Variants in GPRIN1 observed in about 807,000 individuals in gnomAD.
The protein encoded by GPRIN1 is G protein regulated inducer of neurite outgrowth 1.
Under a neutral mutation model 2.8 loss-of-function variants are expected in GPRIN1, and 4 were observed. That is an observed-to-expected ratio of 1.45 (90% CI 0.71 to 3.32). GPRIN1 has a LOEUF of 3.32. Among genes scored for constraint, GPRIN1 ranks in the 30% most tolerant of loss-of-function variants. The probability of loss-of-function intolerance (pLI) is 0.01; values close to 1 mark genes in which losing one functional copy is unlikely to be tolerated. For missense variants in GPRIN1, 1,322 were observed against 1,343.4 expected (o/e 0.98, Z 0.25); for synonymous variants, 589 against 589.9 (o/e 1.00, Z 0.02).
intron 1 of GPRIN1, among the ~76,000 whole-genome samples, chr5:176,606,070 C>T (rs1759216254): frequency 6.6e-6 from 1 of 152,174 alleles, no homozygotes; most frequent in Non-Finnish European, 1.5e-5. Flanking sequence ...AGCTCCTCTC[C>T]CTGGGTGCAG....
At chr5:176,605,219 G>A (rs187574444) in intron 1 of GPRIN1, among the ~76,000 whole-genome samples, 1 of 151,164 alleles carries the variant, frequency 6.6e-6, no homozygotes, top group African/African-American at 2.4e-5. Flanking sequence ...TCAGCCACCC[G>A]AGTAGCTGGG....
rs1289418182 is a variant in GPRIN1, at chr5:176,596,841, C to G, written c.2994G>C (p.Arg998=). 5.0e-6 allele frequency: 7 copies of G among 1,408,640 alleles called. No individual in the cohort carries two copies. Among genetic ancestry groups the G allele is most frequent in the Non-Finnish European group, 6.5e-6 (7 of 1,078,074 alleles). The allele number at this position is 1,408,640 out of a possible 1,614,324, so 87.3% of individuals were successfully genotyped here. ...RALLQSVRRP[R]CCSRAGPTAE ...CCGTGGGTCCCGCCCGCGAGCAGCA[C>G]CGCGGCCGGCGCACACTCTGCAGCA... Residue 998 remains arginine (R), a synonymous_variant, in exon 2 of 2, where the codon CGG becomes CGC. Coordinates refer to ENST00000303991, the MANE Select transcript of GPRIN1 (RefSeq NM_052899.3). The surrounding 1 kb of genome is among the most constrained non-coding windows in gnomAD (Gnocchi z 5.2).
Position 176,599,401 on chromosome 5 carries a change from C to T in GPRIN1, c.434G>A (p.Arg145Lys). 6.2e-7 allele frequency: 1 copy of T among 1,614,252 alleles called. No individual in the cohort carries two copies. Residue 145 changes from arginine (R) to lysine (K), a missense_variant, in exon 2 of 2, where the codon AGA becomes AAA. Around this residue, in one of 3 missense-constraint regions of GPRIN1, gnomAD observed 1,117 missense variants for 1,128.6 expected, o/e 0.99. Transcript: ENST00000303991. Reference sequence around the variant, plus strand: ...CATCTTCTCTAAGAACATGGGATTTCTGTCATCTGAGGATTTGGGCTCAGT... The same window carrying T: ...CATCTTCTCTAAGAACATGGGATTTTTGTCATCTGAGGATTTGGGCTCAGT... ...VKTEPKSSDD[R>K]NPMFLEKMDF...
At position 176,597,545 on chromosome 5, in the gene GPRIN1, C is replaced by T. The variant is rs769955682; in HGVS notation, c.2290G>A (p.Gly764Ser). 1 of 1,544,566 alleles carries T rather than the reference C, an allele frequency of 6.5e-7. No homozygotes were observed. ...PVSSTEASSLGQKDLEAAGAE... is the reference protein window; with the variant it reads ...PVSSTEASSLSQKDLEAAGAE... ...CCAGCGGCTTCCAGGTCTTTCTGGC[C>T]GAGACTGGAGGCCTCGGTGCTGGAC... Residue 764 changes from glycine (G) to serine (S), a missense_variant, in exon 2 of 2, where the codon GGC (glycine) becomes AGC (serine). Coordinates refer to ENST00000303991, the MANE Select transcript of GPRIN1 (RefSeq NM_052899.3). The surrounding 1 kb of genome is among the most constrained non-coding windows in gnomAD (Gnocchi z 6.1).
rs762347659 is a variant in GPRIN1 at position 176,597,099 on chromosome 5, G to A, written c.2736C>T (p.Asp912=). ...TCATGCCCTTCTCGTCCCAGCTCAC[G>A]TCTCGCACGGGCTCAGCCGGCTCCG... is the stretch of plus-strand genomic sequence containing the variant. The part of the protein sequence containing the change: ...APPEPAEPVR[D]VSWDEKGMTW... Residue 912 remains aspartate, a synonymous_variant, in exon 2 of 2, where the codon GAC becomes GAT. Transcript: ENST00000303991. This position sits in a 1 kb window ranked among gnomAD's most constrained non-coding sequence, Gnocchi z 6.1. 2 of 1,488,784 alleles carry A rather than the reference G, an allele frequency of 1.3e-6. No individual in the cohort carries two copies. Among genetic ancestry groups the A allele is most frequent in the Non-Finnish European group, 9.0e-7 (1 of 1,115,980 alleles). The allele number at this position is 1,488,784 out of a possible 1,614,324, so 92.2% of individuals were successfully genotyped here. A position where few individuals can be genotyped will look rare whatever the true frequency, so the allele number is the denominator to read the frequency against.
At chr5:176,607,004 A>G (rs141857352) in intron 1 of GPRIN1, among the ~76,000 whole-genome samples, 1 of 152,224 alleles carries the variant, frequency 6.6e-6, no homozygotes, top group Non-Finnish European at 1.5e-5. Context: ...TCAGGGAGGT[A>G]GAAAGATGTG....
At position 176,597,905 on chromosome 5, in the gene GPRIN1, C is replaced by T; in HGVS notation, c.1930G>A (p.Gly644Arg). The change falls in exon 2 of 2, where the codon GGG (glycine) becomes AGG (arginine). Residue 644 changes from glycine (G) to arginine (R), a missense_variant. Transcript: ENST00000303991. This position sits in a 1 kb window ranked among gnomAD's most constrained non-coding sequence, Gnocchi z 6.1. ...SGGKAETKLP[G>R]QEGAAAPGEA... ...CCTGGTGCTGCAGCGCCCTCTTGCC[C>T]AGGGAGCTTTGTTTCTGCTTTGCCA... The T allele has an allele frequency of 6.2e-7, 1 of 1,613,898 alleles. No individual in the cohort carries two copies. Among genetic ancestry groups the T allele is most frequent in the Non-Finnish European group, 8.5e-7 (1 of 1,180,002 alleles).
chr5:176,606,264 G>T (rs1214692514), intron 1 of GPRIN1, among the ~76,000 whole-genome samples: 2 of 152,182 alleles, frequency 1.3e-5, no homozygotes, highest in Non-Finnish European at 2.9e-5. Context: ...TCTGTGGAAG[G>T]CCTGTTTTTA....
Position 176,595,888 on chromosome 5 carries a change from G to T in GPRIN1, c.*920C>A, listed in dbSNP as rs1759022322. The T allele has an allele frequency of 1.4e-5, 6 of 441,622 alleles. No homozygotes were observed. In the East Asian group the frequency reaches 2.2e-4, roughly 16 times the overall value. The allele number at this position is 441,622 out of a possible 1,614,324, so 27.4% of individuals were successfully genotyped here. On this transcript the variant is annotated 3_prime_UTR_variant, in exon 2 of 2. Coordinates refer to ENST00000303991, the MANE Select transcript of GPRIN1 (RefSeq NM_052899.3). ...GAGGGGTGGGGACGGGACACTGAGT[G>T]GTCACAAGGGACTTGGGCTCACAGC...
At position 176,598,817 on chromosome 5, in the gene GPRIN1, C is replaced by T. The variant is rs1467815393; in HGVS notation, c.1018G>A (p.Gly340Arg). Residue 340 changes from glycine (G) to arginine (R), a missense_variant, in exon 2 of 2, where the codon GGG (glycine) becomes AGG (arginine). Around this residue, in one of 3 missense-constraint regions of GPRIN1, gnomAD observed 1,117 missense variants for 1,128.6 expected, o/e 0.99. Transcript: ENST00000303991. ...GTGGGATCCAGCCTTCCCAAGGACC[C>T]AGGAGCCCCGGTCCCAGAGGATACA... ...GPVSSGTGAP[G>R]SLGRLDPTCL... is the part of the protein sequence containing the mutation. The T allele has an allele frequency of 1.9e-6, 3 of 1,613,870 alleles. No homozygotes were observed. The highest frequency in any genetic ancestry group is 1.7e-6 in the Non-Finnish European group (2 of 1,180,026).
chr5:176,597,630 G>C lies in GPRIN1; in HGVS notation c.2205C>G (p.Ala735=). 1 of 1,601,138 alleles carries C rather than the reference G, an allele frequency of 6.2e-7. No homozygotes were observed. The change falls in exon 2 of 2, where the codon GCC becomes GCG. Residue 735 remains alanine (A), a synonymous_variant. Coordinates refer to ENST00000303991, the MANE Select transcript of GPRIN1 (RefSeq NM_052899.3). The surrounding 1 kb of genome is among the most constrained non-coding windows in gnomAD (Gnocchi z 6.1). The part of the protein sequence containing the change: ...RQLDRKALGS[A]RSPEGARGSE... ...TGCCCCTGGCACCCTCGGGAGACCG[G>C]GCTGAGCCGAGGGCTTTGCGGTCTA...
rs755370698 is a variant in GPRIN1 at position 176,598,897 on chromosome 5, G to A, written c.938C>T (p.Thr313Ile). 10 of 1,614,138 alleles carry A rather than the reference G, an allele frequency of 6.2e-6. No individual in the cohort carries two copies. Among genetic ancestry groups the A allele is most frequent in the Non-Finnish European group, 7.6e-6 (9 of 1,180,026 alleles). ...ESMDSASTGK[T>I]EPGLLGKLIP... ...CAGCTTGCCCAGGAGCCCCGGCTCTGTCTTTCCTGTGGACGCAGAATCCAT... is the reference window on the plus strand; with the variant it reads ...CAGCTTGCCCAGGAGCCCCGGCTCTATCTTTCCTGTGGACGCAGAATCCAT... The change falls in exon 2 of 2, where the codon ACA (threonine) becomes ATA (isoleucine). Residue 313 changes from threonine to isoleucine, a missense_variant. Physicochemically the swap from Thr to Ile is moderately conservative, Grantham distance 89. Transcript: ENST00000303991.
Position 176,599,888 on chromosome 5 carries a change from G to A in GPRIN1, c.-43-11C>T. 1.5e-6 allele frequency: 2 copies of A among 1,350,890 alleles called. No individual in the cohort carries two copies. The highest frequency in any genetic ancestry group is 3.2e-5 in the Admixed American group (1 of 31,412). 83.7% of individuals were successfully genotyped at this position (1,350,890 alleles called of 1,614,324 possible). A position where few individuals can be genotyped will look rare whatever the true frequency, so the allele number is the denominator to read the frequency against. On this transcript the variant is annotated splice_polypyrimidine_tract_variant and intron_variant, in intron 1 of 1. Transcript: ENST00000303991. ...GGCTGCTGTCTGGTTCTGAAACAGA[G>A]AGAGAGCTGACTCAGACTTCCCAAA...
chr5:176,603,981 T>G (rs1759186154), intron 1 of GPRIN1, among the ~76,000 whole-genome samples: 1 of 152,116 alleles, frequency 6.6e-6, no homozygotes. Flanking sequence ...GCAACGGCAC[T>G]CAATTCCTGC....
In GPRIN1 at chr5:176,598,610, C is replaced by A; in HGVS notation, c.1225G>T (p.Asp409Tyr). 6.2e-7 allele frequency: 1 copy of A among 1,614,160 alleles called. No individual in the cohort carries two copies. The highest frequency in any genetic ancestry group is 1.6e-4 in the Middle Eastern group (1 of 6,062). The change falls in exon 2 of 2, where the codon GAT (aspartate) becomes TAT (tyrosine). Residue 409 changes from aspartate (D) to tyrosine (Y), a missense_variant. Asp to Tyr is a radical substitution (Grantham distance 160). Around this residue, in one of 3 missense-constraint regions of GPRIN1, gnomAD observed 1,117 missense variants for 1,128.6 expected, o/e 0.99. Transcript: ENST00000303991. ...TCCACCTTGCCTGAAGACATGGGAT[C>A]CACATTTTTCAAAGATGTGAGATCT... is the stretch of plus-strand genomic sequence containing the variant. The part of the protein sequence containing the change: ...KTDLTSLKNV[D>Y]PMSSGKVDPV...
In GPRIN1 at chr5:176,599,668, G is replaced by A. The variant is rs1247877344; in HGVS notation, c.167C>T (p.Pro56Leu). The change falls in exon 2 of 2, where the codon CCC becomes CTC. Residue 56 changes from proline (P) to leucine (L), a missense_variant. Physicochemically the swap from Pro to Leu is moderately conservative, Grantham distance 98 (BLOSUM62 -3). Coordinates refer to ENST00000303991, the MANE Select transcript of GPRIN1 (RefSeq NM_052899.3). ...GCTTTGGTCAGGGGTGTGCCTGGGG[G>A]GTGCAGGGCTTGCCTTTTGCTGGGA... The part of the protein sequence containing the change: ...CPSQQKASPA[P>L]PRHTPDQSPG... 2 of 1,560,886 alleles carry A rather than the reference G, an allele frequency of 1.3e-6. No homozygotes were observed. Among genetic ancestry groups the A allele is most frequent in the African/African-American group, 1.4e-5 (1 of 72,982 alleles).
In GPRIN1 at chr5:176,599,352, G is replaced by A. The variant is rs146948653; in HGVS notation, c.483C>T (p.Ala161=). Residue 161 remains alanine (A), a synonymous_variant, in exon 2 of 2, where the codon GCC becomes GCT. Coordinates refer to ENST00000303991, the MANE Select transcript of GPRIN1 (RefSeq NM_052899.3). ...EKMDFKSSKQ[A]DSTSIGKEDP... is the part of the protein sequence containing the mutation. ...CCTCCTTTCCTATGGAAGTGGAATCGGCCTGCTTTGAGGACTTGAAATCCA... is the reference window on the plus strand; with the variant it reads ...CCTCCTTTCCTATGGAAGTGGAATCAGCCTGCTTTGAGGACTTGAAATCCA... 10 of 1,614,072 alleles carry A rather than the reference G, an allele frequency of 6.2e-6. No individual in the cohort carries two copies. In the African/African-American group the frequency reaches 9.3e-5, roughly 15 times the overall value.
At position 176,597,980 on chromosome 5, in the gene GPRIN1, TGGTAACA is replaced by T; in HGVS notation, c.1848_1854del (p.Val617ProfsTer41). Reference sequence around the variant, plus strand: ...GAGGCCCTGGGATCCGCCTTTGTGGTGGTAACAGGACTCCCCTTCTCTAGAGGCAGAG... The same window carrying T: ...GAGGCCCTGGGATCCGCCTTTGTGGTGGACTCCCCTTCTCTAGAGGCAGAG... On this transcript the variant is annotated frameshift_variant, in exon 2 of 2. Coordinates refer to ENST00000303991, the MANE Select transcript of GPRIN1 (RefSeq NM_052899.3). LOFTEE classifies it low-confidence loss of function (END_TRUNC). The surrounding 1 kb of genome is among the most constrained non-coding windows in gnomAD (Gnocchi z 6.1). 1 of 1,614,014 alleles carries T rather than the reference TGGTAACA, an allele frequency of 6.2e-7. No homozygotes were observed. The highest frequency in any genetic ancestry group is 1.1e-5 in the South Asian group (1 of 91,078).
rs762292308 is a variant in GPRIN1, at chr5:176,598,263, C to T, written c.1572G>A (p.Ser524=). 18 of 1,613,138 alleles carry T rather than the reference C, an allele frequency of 1.1e-5. No individual in the cohort carries two copies. In the African/African-American group the frequency reaches 1.2e-4, roughly 11 times the overall value. Residue 524 remains serine (S), a synonymous_variant, in exon 2 of 2, where the codon TCG becomes TCA. Coordinates refer to ENST00000303991, the MANE Select transcript of GPRIN1 (RefSeq NM_052899.3). The part of the protein sequence containing the change: ...ATGGKGDPLS[S]EKAGLVASGK... ...CAGAGGCCACCAGACCTGCCTTCTC[C>T]GAGGACAGGGGATCTCCTTTTCCCC... is the stretch of plus-strand genomic sequence containing the variant.
Sources: gnomAD v4.1 joint callset for allele counts (sites outside exome capture counted in the v4.1 genomes callset) on GRCh38, gnomAD v4.1.1 for gene constraint, gnomAD v4.1.1 regional missense constraint, Gnocchi (gnomAD v3.1) non-coding constraint, MANE v1.5 for transcripts, NCBI Gene and HGNC (gene_info 2026-07-23, HGNC 2026-07-21) for gene names.